Variants in EPHA5 observed in about 807,000 individuals in gnomAD.
The protein encoded by EPHA5 is ephrin type-A receptor 5.
EPHA5 carries 60 observed loss-of-function variants against 105.0 expected under a neutral mutation model. The observed-to-expected ratio is 0.57, with a 90% CI of 0.46 to 0.71. The LOEUF is 0.71. Ranked by LOEUF, EPHA5 falls within the 30% of genes least tolerant of loss-of-function variation. EPHA5 has a pLI of 0.00. For synonymous variants in EPHA5, 513 were observed against 449.1 expected (o/e 1.14, Z -1.80); for missense variants, 1,218 against 1,274.7 (o/e 0.96, Z 0.68).
intron 3 of EPHA5, among the ~76,000 whole-genome samples, chr4:65,528,534 T>C (rs1174246368): frequency 6.6e-6 from 1 of 152,132 alleles, no homozygotes; most frequent in East Asian, 1.9e-4. Context: ...CAGGCACTTG[T>C]TTATTAAAAT....
intron 2 of EPHA5, among the ~76,000 whole-genome samples, chr4:65,612,016 CAAAAAAA>C (rs1167342911): frequency 1.7e-5 from 1 of 58,104 alleles, no homozygotes; most frequent in Admixed American, 2.7e-4. Context: ...GACCCTCTCT[CAAAAAAA>C]AAAAAAAAAA....
At chr4:65,505,728 C>T (rs1014868138) in intron 3 of EPHA5, among the ~76,000 whole-genome samples, 5 of 152,034 alleles carry the variant, frequency 3.3e-5, no homozygotes, top group African/African-American at 1.2e-4. Flanking sequence ...ACCTCTTTTC[C>T]ATCTTCTCAA....
chr4:65,514,295 T>C (rs915613888), intron 3 of EPHA5, among the ~76,000 whole-genome samples: 9 of 152,178 alleles, frequency 5.9e-5, no homozygotes, highest in Non-Finnish European at 2.9e-5. Flanking sequence ...AGATCCTCTG[T>C]CCCCTGAATC....
Position 65,371,620 on chromosome 4 carries a change from G to A in EPHA5, c.1794-4196C>T, listed in dbSNP as rs1023639769. Among the ~76,000 whole-genome samples, 6 of 152,002 alleles carry A rather than the reference G, an allele frequency of 3.9e-5. No individual in the cohort carries two copies. The South Asian group carries it at 1.2e-3, about 31-fold the overall frequency. ...TTGATAATGAATTTGGGATATGAAT[G>A]TCAAGAATTTCAGAGTACCAAGTAA... On this transcript the variant is annotated intron_variant, in intron 8 of 16. Transcript: ENST00000613740.
intron 5 of EPHA5, among the ~76,000 whole-genome samples, chr4:65,473,215 C>T (rs180686232): frequency 2.6e-3 from 393 of 152,266 alleles, no homozygotes; most frequent in African/African-American, 9.1e-3. Context: ...CTAGGAAGTT[C>T]CAAGCTTCCC....
intron 5 of EPHA5, among the ~76,000 whole-genome samples, chr4:65,479,713 G>C (rs1032150999): frequency 6.6e-6 from 1 of 151,988 alleles, no homozygotes; most frequent in African/African-American, 2.4e-5. Flanking sequence ...GAAAAGTGCA[G>C]TGAACATGGA....
Position 65,320,111 on chromosome 4 carries a change from ACATT to A in EPHA5, c.*3999_*4002del, listed in dbSNP as rs1255787317. 4.3e-6 allele frequency: 1 copy of A among 230,230 alleles called. No homozygotes were observed. Among genetic ancestry groups the A allele is most frequent in the Non-Finnish European group, 8.6e-6 (1 of 116,144 alleles). The allele number at this position is 230,230 out of a possible 1,614,324, so 14.3% of individuals were successfully genotyped here. On this transcript the variant is annotated 3_prime_UTR_variant, in exon 17 of 17. Transcript: ENST00000613740. ...GATTATGTGGTCATTCTGAACAAGA[ACATT>A]CAATCATTTATGTGTGAAAAGATTT...
intron 3 of EPHA5, among the ~76,000 whole-genome samples, chr4:65,561,920 T>C (rs1365787472): frequency 2.0e-5 from 3 of 152,108 alleles, no homozygotes; most frequent in Non-Finnish European, 4.4e-5. Flanking sequence ...TAGACTCGCA[T>C]TGAGGTCTAA....
chr4:65,574,150 G>A, intron 3 of EPHA5: 1 of 1,608,054 alleles, frequency 6.2e-7, no homozygotes, highest in Non-Finnish European at 8.5e-7. Context: ...CACCAGGAAG[G>A]TGAGATCTTC....
intron 2 of EPHA5, among the ~76,000 whole-genome samples, chr4:65,642,420 A>G (rs1377274410): frequency 1.3e-5 from 2 of 151,926 alleles, no homozygotes; most frequent in Non-Finnish European, 2.9e-5. Flanking sequence ...GGGTTATGCA[A>G]TGTTTTTGTT....
chr4:65,510,435 T>G (rs780815378), intron 3 of EPHA5, among the ~76,000 whole-genome samples: 1 of 152,176 alleles, frequency 6.6e-6, no homozygotes, highest in Non-Finnish European at 1.5e-5. Flanking sequence ...TTCCAGTCCA[T>G]GTAATCACAC....
chr4:65,541,399 AG>A (rs1736817462), intron 3 of EPHA5, among the ~76,000 whole-genome samples: 1 of 151,954 alleles, frequency 6.6e-6, no homozygotes, highest in South Asian at 2.1e-4. Context: ...TAAAGGGTGG[AG>A]GAAAATTTAC....
chr4:65,430,540 T>A (rs1298798221), intron 5 of EPHA5, among the ~76,000 whole-genome samples: 1 of 150,294 alleles, frequency 6.7e-6, no homozygotes, highest in Admixed American at 6.6e-5. Context: ...TAAGAAACAT[T>A]ATGTGCCAGA....
At chr4:65,463,275 G>A (rs1361895684) in intron 5 of EPHA5, among the ~76,000 whole-genome samples, 1 of 152,110 alleles carries the variant, frequency 6.6e-6, no homozygotes, top group East Asian at 1.9e-4. Context: ...ATTTAATAGT[G>A]ACATTCACAA....
intron 14 of EPHA5, among the ~76,000 whole-genome samples, chr4:65,345,729 T>C (rs894420785): frequency 1.3e-5 from 2 of 152,224 alleles, no homozygotes; most frequent in Non-Finnish European, 2.9e-5. Flanking sequence ...GAGGCATCAA[T>C]ATCCTCACAT....
At chr4:65,469,677 CA>C (rs1441137203) in intron 5 of EPHA5, among the ~76,000 whole-genome samples, 2 of 151,870 alleles carry the variant, frequency 1.3e-5, no homozygotes, top group African/African-American at 4.8e-5. Context: ...TAATTTAACA[CA>C]AAAAAATTAG....
At chr4:65,556,979 T>C (rs1578416082) in intron 3 of EPHA5, among the ~76,000 whole-genome samples, 1 of 152,076 alleles carries the variant, frequency 6.6e-6, no homozygotes, top group East Asian at 1.9e-4. Flanking sequence ...ATATTATTAA[T>C]GAATATAAAA....
intron 3 of EPHA5, among the ~76,000 whole-genome samples, chr4:65,502,651 G>T (rs1448215896): frequency 6.6e-6 from 1 of 151,822 alleles, no homozygotes; most frequent in Non-Finnish European, 1.5e-5. Flanking sequence ...CTGTTGGTTG[G>T]AATGTAATTA....
At chr4:65,530,715 T>A (rs1735686915) in intron 3 of EPHA5, among the ~76,000 whole-genome samples, 1 of 152,228 alleles carries the variant, frequency 6.6e-6, no homozygotes, top group Admixed American at 6.5e-5. Context: ...ACCTGACCTC[T>A]CCTAAGCCTC....
Sources: gnomAD v4.1 joint callset for allele counts (sites outside exome capture counted in the v4.1 genomes callset) on GRCh38, gnomAD v4.1.1 for gene constraint, MANE v1.5 for transcripts, NCBI Gene and HGNC (gene_info 2026-07-23, HGNC 2026-07-21) for gene names.